The following SIRT4 variants were observed in gnomAD, a reference collection of about 807,000 sequenced individuals.
SIRT4 encodes the protein NAD-dependent protein lipoamidase sirtuin-4, mitochondrial.
SIRT4 carries 23 observed loss-of-function variants against 26.1 expected under a neutral mutation model. The ratio of observed to expected loss-of-function variants is 0.88; its 90% confidence interval spans 0.63 to 1.25. The LOEUF (loss-of-function observed/expected upper bound fraction) is 1.25. Ranked by LOEUF, SIRT4 falls within the 50% of genes most tolerant of loss-of-function variation. SIRT4 has a pLI of 0.00. For missense variants in SIRT4, 361 were observed against 405.4 expected, an observed-to-expected ratio of 0.89 and a Z score of 0.94; for synonymous variants, 155 against 158.4, an observed-to-expected ratio of 0.98 and a Z score of 0.16.
intron 2 of SIRT4, among the ~76,000 whole-genome samples, chr12:120,307,917 C>G (rs763303654): frequency 9.9e-5 from 15 of 152,184 alleles, no homozygotes; most frequent in Non-Finnish European, 2.1e-4. Context: ...AATGACAACG[C>G]ATGATTGTGA....
Position 120,313,094 on chromosome 12 carries a change from A to G in SIRT4, c.*58A>G, listed in dbSNP as rs1221636142. 1.9e-6 allele frequency: 3 copies of G among 1,594,126 alleles called. No homozygotes were observed. In the African/African-American group the frequency reaches 4.0e-5, roughly 21 times the overall value. On this transcript the variant is annotated 3_prime_UTR_variant, in exon 4 of 4. Transcript: ENST00000202967. ...GACTTTCACTTGAATCTTGCTGCTA[A>G]ATGTAAATGCCTTCTCAAATGACAG...
intron 2 of SIRT4, 97 bp from the exon 3 acceptor site, chr12:120,312,359 C>G (rs1873012018): frequency 2.6e-6 from 3 of 1,136,830 alleles, no homozygotes; most frequent in Non-Finnish European, 3.8e-6. Flanking sequence ...AAGAAAGCAG[C>G]GATGGAAGGG....
At chr12:120,297,753 T>C (rs543963318), upstream of SIRT4, among the ~76,000 whole-genome samples, 15 of 152,190 alleles carry the variant, frequency 9.9e-5, no homozygotes, top group East Asian at 2.9e-3. Context: ...AAAAATAACC[T>C]AGGTTTGAAC....
At chr12:120,295,419 ATTTTTTT>A in the SIRT4 span, among the ~76,000 whole-genome samples, 6 of 81,310 alleles carry the variant, frequency 7.4e-5, no homozygotes, top group East Asian at 3.0e-3. Flanking sequence ...TATATAGATA[ATTTTTTT>A]TTTTTTTTTT....
At chr12:120,311,141 C>A (rs1274066586) in intron 2 of SIRT4, among the ~76,000 whole-genome samples, 1 of 149,508 alleles carries the variant, frequency 6.7e-6, no homozygotes, top group Admixed American at 6.7e-5. Context: ...GGCAGACCAC[C>A]TGAGGTCAAG....
At chr12:120,305,968 C>G (rs1325555834) in intron 2 of SIRT4, among the ~76,000 whole-genome samples, 1 of 147,812 alleles carries the variant, frequency 6.8e-6, no homozygotes, top group African/African-American at 2.5e-5. Context: ...GCCGAGATCG[C>G]GCCACTGCAC....
chr12:120,312,477 G>C lies in SIRT4; in HGVS notation c.519G>C (p.Gly173=), dbSNP rs914009232. ...CMDRVLCLDC[G]EQTPRGVLQE... ...CCAGGGTCCTGTGCTTGGATTGTGG[G>C]GAACAGACTCCCCGGGGGGTGCTGC... The change falls in exon 3 of 4, where the codon GGG becomes GGC. Residue 173 remains glycine, a synonymous_variant. Coordinates refer to ENST00000202967, the MANE Select transcript of SIRT4 (RefSeq NM_012240.3). The C allele has an allele frequency of 4.3e-6, 7 of 1,613,316 alleles. No homozygotes were observed. Among genetic ancestry groups the C allele is most frequent in the Non-Finnish European group, 5.9e-6 (7 of 1,179,676 alleles).
At chr12:120,305,174 A>G (rs1592897318) in intron 2 of SIRT4, among the ~76,000 whole-genome samples, 1 of 149,114 alleles carries the variant, frequency 6.7e-6, no homozygotes, top group African/African-American at 2.4e-5. Context: ...CTCAAAAAGA[A>G]AAAAAAAAAA....
At chr12:120,296,086 CAAAAAAAAAA>C in the SIRT4 span, among the ~76,000 whole-genome samples, 4 of 40,192 alleles carry the variant, frequency 1.0e-4, no homozygotes, top group Admixed American at 3.5e-4. Context: ...GACTCCGTCT[CAAAAAAAAAA>C]AAAAAAAAAA....
upstream of SIRT4, among the ~76,000 whole-genome samples, chr12:120,299,395 T>C (rs959721644): frequency 7.2e-6 from 1 of 139,220 alleles, no homozygotes; most frequent in Non-Finnish European, 1.6e-5. Context: ...CTACTAAAAA[T>C]ACAAAAATTA....
upstream of SIRT4, among the ~76,000 whole-genome samples, chr12:120,299,373 G>A (rs1566460791): frequency 6.7e-6 from 1 of 148,244 alleles, no homozygotes; most frequent in East Asian, 2.0e-4. Context: ...CCAACATGAC[G>A]AAACCCCATC....
chr12:120,307,382 G>A (rs1383133379), intron 2 of SIRT4, among the ~76,000 whole-genome samples: 3 of 151,610 alleles, frequency 2.0e-5, no homozygotes, highest in African/African-American at 7.3e-5. Context: ...CCAGCTACTC[G>A]GGAGGCTGAG....
At chr12:120,303,177 AAAC>A (rs922245906) in intron 1 of SIRT4, among the ~76,000 whole-genome samples, 13 of 151,984 alleles carry the variant, frequency 8.6e-5, no homozygotes, top group African/African-American at 1.2e-4. Context: ...GAACAAAATC[AAAC>A]AAAACCTGAC....
upstream of SIRT4, among the ~76,000 whole-genome samples, chr12:120,299,506 C>T (rs1339584378): frequency 4.7e-5 from 7 of 150,124 alleles, no homozygotes; most frequent in South Asian, 8.4e-4. Flanking sequence ...GAGTGAAGAT[C>T]GCGCCACTGC....
intron 2 of SIRT4, among the ~76,000 whole-genome samples, chr12:120,308,142 C>A (rs192840408): frequency 6.6e-6 from 1 of 150,958 alleles, no homozygotes; most frequent in East Asian, 1.9e-4. Flanking sequence ...CAGGTGTGAG[C>A]CACCATGCCT....
chr12:120,302,243 A>G (rs1872575110), upstream of SIRT4: 1 of 152,156 alleles, frequency 6.6e-6, no homozygotes, highest in African/African-American at 2.4e-5. Context: ...GGGGCTGTCA[A>G]TTGCGAGACG....
chr12:120,293,215 C>G, the SIRT4 span: 5 of 152,158 alleles, frequency 3.3e-5, no homozygotes, highest in Admixed American at 6.6e-5. Context: ...TCATTGGCTA[C>G]GATACTGCCA....
the SIRT4 span, chr12:120,293,191 G>C: frequency 1.3e-5 from 2 of 152,108 alleles, no homozygotes; most frequent in East Asian, 3.8e-4. Context: ...CAATAATCGC[G>C]CCTCGGATAG....
At chr12:120,306,838 G>A (rs1267175812) in intron 2 of SIRT4, among the ~76,000 whole-genome samples, 1 of 152,098 alleles carries the variant, frequency 6.6e-6, no homozygotes, top group Non-Finnish European at 1.5e-5. Flanking sequence ...CTGTTCGAAC[G>A]TGGCCTTTAG....
Sources: allele counts gnomAD v4.1 joint callset (sites outside exome capture counted in the v4.1 genomes callset), GRCh38; gene constraint gnomAD v4.1.1; transcripts MANE v1.5; gene names NCBI Gene and HGNC (gene_info 2026-07-23, HGNC 2026-07-21).